The following CAB39 variants were observed in gnomAD, a reference collection of about 807,000 sequenced individuals.
CAB39 encodes the protein calcium-binding protein 39.
A neutral mutation model predicts 40.0 loss-of-function variants in CAB39; 8 were observed. The observed-to-expected ratio is 0.20, with a 90% CI of 0.12 to 0.36. CAB39 has a LOEUF of 0.36. Among genes scored for constraint, CAB39 ranks in the 10% least tolerant of loss-of-function variants. The pLI, the probability that CAB39 is intolerant of heterozygous loss-of-function variation, is 1.00. For missense variants in CAB39, 270 were observed against 401.1 expected (o/e 0.67, Z 2.79); for synonymous variants, 156 against 141.6 (o/e 1.10, Z -0.72).
chr2:230,742,619 C>G (rs1694901996), intron 1 of CAB39, among the ~76,000 whole-genome samples: 1 of 150,164 alleles, frequency 6.7e-6, no homozygotes, highest in South Asian at 2.1e-4. Context: ...TATTCGATAT[C>G]CTACAAGTCA....
intron 1 of CAB39, among the ~76,000 whole-genome samples, chr2:230,733,253 TAA>T (rs1219840169): frequency 6.6e-6 from 1 of 152,198 alleles, no homozygotes; most frequent in Non-Finnish European, 1.5e-5. Context: ...GTTTGGATGA[TAA>T]ATTGTCATCT....
intron 1 of CAB39, among the ~76,000 whole-genome samples, chr2:230,734,735 G>C (rs1694755024): frequency 6.6e-6 from 1 of 152,068 alleles, no homozygotes; most frequent in Admixed American, 6.6e-5. Context: ...AGGGCTTTTG[G>C]CCACAGGTAT....
chr2:230,747,560 C>T (rs1333177032), intron 1 of CAB39, among the ~76,000 whole-genome samples: 1 of 152,210 alleles, frequency 6.6e-6, no homozygotes, highest in African/African-American at 2.4e-5. Flanking sequence ...ATGTCTGAAA[C>T]ATGGATTACA....
chr2:230,769,792 A>G (rs1695451308), intron 2 of CAB39, among the ~76,000 whole-genome samples: 2 of 151,718 alleles, frequency 1.3e-5, no homozygotes, highest in African/African-American at 4.8e-5. Flanking sequence ...CAGCCTGGCC[A>G]ATGTGGCAAA....
chr2:230,817,293 C>A (rs1696418830), intron 7 of CAB39, among the ~76,000 whole-genome samples: 1 of 152,110 alleles, frequency 6.6e-6, no homozygotes, highest in Admixed American at 6.5e-5. Flanking sequence ...AAATGGAAAA[C>A]TTTGGACACA....
chr2:230,785,364 G>A (rs1344414733), intron 2 of CAB39, among the ~76,000 whole-genome samples: 1 of 151,222 alleles, frequency 6.6e-6, no homozygotes, highest in African/African-American at 2.4e-5. Context: ...GTAGTAGCTG[G>A]GCAGGGGCGC....
chr2:230,794,155 T>C (rs1695939342), intron 4 of CAB39, among the ~76,000 whole-genome samples: 1 of 152,206 alleles, frequency 6.6e-6, no homozygotes, highest in African/African-American at 2.4e-5. Flanking sequence ...CTACTCCTCC[T>C]GGCTTTATAG....
At chr2:230,734,245 G>C (rs1315849032) in intron 1 of CAB39, among the ~76,000 whole-genome samples, 1 of 152,196 alleles carries the variant, frequency 6.6e-6, no homozygotes, top group Non-Finnish European at 1.5e-5. Context: ...TTTTAAGACT[G>C]TCTGTTTCCT....
intron 1 of CAB39, among the ~76,000 whole-genome samples, chr2:230,726,764 A>T (rs559432702): frequency 6.6e-6 from 1 of 151,864 alleles, no homozygotes; most frequent in Admixed American, 6.6e-5. Context: ...GGTCTTGTTC[A>T]CATAGTGATT....
chr2:230,818,144 T>G (rs1648253827), intron 8 of CAB39: 2 of 486,662 alleles, frequency 4.1e-6, no homozygotes, highest in Non-Finnish European at 7.2e-6. Flanking sequence ...CCTAGAAGAT[T>G]AGTAACTGCA....
At chr2:230,796,389 C>T (rs62193645) in intron 4 of CAB39, among the ~76,000 whole-genome samples, 15,798 of 151,848 alleles carry the variant, frequency 0.1, 1,123 homozygotes, top group Middle Eastern at 0.16. Flanking sequence ...ATGCTGTTCA[C>T]TCTAGTGCTC....
Position 230,790,833 on chromosome 2 carries a change from G to A in CAB39, c.115-39G>A, listed in dbSNP as rs770702009. 5.2e-6 allele frequency: 8 copies of A among 1,544,440 alleles called. No homozygotes were observed. The African/African-American group carries it at 9.7e-5, about 19-fold the overall frequency. ...TGTTATATGTTTGTTAAAATGAATT[G>A]TTTTTTCTCCTCTTCCCAACTCCTC... is the stretch of plus-strand genomic sequence containing the variant. On this transcript the variant is annotated intron_variant, in intron 2 of 8. Coordinates refer to ENST00000258418, the MANE Select transcript of CAB39 (RefSeq NM_016289.4).
rs532681910 is a variant in CAB39, at chr2:230,735,134, G to A, written c.-44+21904G>A. ...AGAGTTTGGAGTAGAATGTGGAATC[G>A]CAGTTTACAAGTAGAGCTCAGCCAT... On this transcript the variant is annotated intron_variant, in intron 1 of 8. Transcript: ENST00000258418. Among the ~76,000 whole-genome samples, 12 of 152,154 alleles carry A rather than the reference G, an allele frequency of 7.9e-5. No individual in the cohort carries two copies. In the South Asian group the frequency reaches 2.3e-3, roughly 29 times the overall value.
At chr2:230,734,632 T>G (rs1010897836) in intron 1 of CAB39, among the ~76,000 whole-genome samples, 9 of 152,204 alleles carry the variant, frequency 5.9e-5, no homozygotes, top group Non-Finnish European at 1.2e-4. Flanking sequence ...CAAACATCCA[T>G]AGACTTCTTG....
intron 7 of CAB39, among the ~76,000 whole-genome samples, chr2:230,816,768 G>T (rs888865537): frequency 2.0e-5 from 3 of 152,220 alleles, no homozygotes; most frequent in Non-Finnish European, 4.4e-5. Context: ...TCCTGAGAGA[G>T]AGGCACTGTT....
chr2:230,717,427 G>T (rs1014619287), intron 1 of CAB39, among the ~76,000 whole-genome samples: 1 of 152,090 alleles, frequency 6.6e-6, no homozygotes, highest in Non-Finnish European at 1.5e-5. Flanking sequence ...CTTTCCGACC[G>T]GATCCCAACC....
At chr2:230,814,733 G>C (rs1237649850) in intron 7 of CAB39, among the ~76,000 whole-genome samples, 1 of 152,126 alleles carries the variant, frequency 6.6e-6, no homozygotes, top group African/African-American at 2.4e-5. Flanking sequence ...GAATTAAGTA[G>C]ATGCCTCAGA....
At chr2:230,720,266 G>T (rs973940069) in intron 1 of CAB39, among the ~76,000 whole-genome samples, 1 of 152,164 alleles carries the variant, frequency 6.6e-6, no homozygotes, top group African/African-American at 2.4e-5. Flanking sequence ...ACATGCTTTG[G>T]CTGTGGTTGG....
intron 5 of CAB39, among the ~76,000 whole-genome samples, chr2:230,799,568 A>G (rs1239465682): frequency 6.6e-6 from 1 of 152,266 alleles, no homozygotes; most frequent in Non-Finnish European, 1.5e-5. Flanking sequence ...TTGAGTTACA[A>G]GGTTCTATGC....
Sources: gnomAD v4.1 joint callset for allele counts (sites outside exome capture counted in the v4.1 genomes callset) on GRCh38, gnomAD v4.1.1 for gene constraint, MANE v1.5 for transcripts, NCBI Gene and HGNC (gene_info 2026-07-23, HGNC 2026-07-21) for gene names.